Variants in ITGA4 observed in about 807,000 individuals in gnomAD.
The protein encoded by ITGA4 is integrin alpha-4.
ITGA4 carries 63 observed loss-of-function variants against 133.6 expected under a neutral mutation model. The ratio of observed to expected loss-of-function variants is 0.47; its 90% confidence interval spans 0.38 to 0.58. ITGA4 has a LOEUF of 0.58. Among genes scored for constraint, ITGA4 ranks in the 20% least tolerant of loss-of-function variants. ITGA4 has a pLI of 0.00. For synonymous variants in ITGA4, 483 were observed against 438.0 expected (o/e 1.10, Z -1.28); for missense variants, 1,076 against 1,252.7 (o/e 0.86, Z 2.13).
intron 6 of ITGA4, 150 bp from the exon 7 acceptor site, chr2:181,481,448 C>A: frequency 2.9e-6 from 1 of 340,238 alleles, no homozygotes; most frequent in East Asian, 4.6e-5. Flanking sequence ...AATGAATGAC[C>A]AATTTTGAGT....
At chr2:181,531,809 G>A (rs750548250) in intron 25 of ITGA4, 33 bp downstream of exon 25, 4 of 1,521,088 alleles carry the variant, frequency 2.6e-6, no homozygotes, top group Non-Finnish European at 3.5e-6. Context: ...CAACTTGGTG[G>A]CTAAGTTTAC....
chr2:181,522,127 G>T, intron 17 of ITGA4, 64 bp from the exon 18 acceptor site: 1 of 904,082 alleles, frequency 1.1e-6, no homozygotes. Context: ...ATCCTTGTAT[G>T]CATATAAGAG....
intron 10 of ITGA4, among the ~76,000 whole-genome samples, chr2:181,490,964 G>C (rs563027231): frequency 7.2e-4 from 109 of 152,274 alleles, no homozygotes; most frequent in African/African-American, 2.6e-3. Context: ...CCCAAATTAA[G>C]TTGCATAGGC....
At position 181,516,930 on chromosome 2, in the gene ITGA4, G is replaced by C. The variant is rs142519678; in HGVS notation, c.1922+5155G>C. Reference sequence around the variant, plus strand: ...TCACTGACAGCATAAAGTTTTGGGAGAATGAATTATATGCTTTATAAACTA... The same window carrying C: ...TCACTGACAGCATAAAGTTTTGGGACAATGAATTATATGCTTTATAAACTA... On this transcript the variant is annotated intron_variant, in intron 17 of 27. Coordinates refer to ENST00000397033, the MANE Select transcript of ITGA4 (RefSeq NM_000885.6). This position sits in a 1 kb window ranked among gnomAD's most constrained non-coding sequence, Gnocchi z 4.0. Among the ~76,000 whole-genome samples the C allele has an allele frequency of 3.3e-4, 50 of 152,210 alleles. No homozygotes were observed. Among genetic ancestry groups the C allele is most frequent in the Admixed American group, 1.2e-3 (18 of 15,270 alleles).
At chr2:181,481,176 C>A (rs1364592522) in intron 6 of ITGA4, among the ~76,000 whole-genome samples, 1 of 152,054 alleles carries the variant, frequency 6.6e-6, no homozygotes, top group African/African-American at 2.4e-5. Context: ...AAAATACGAA[C>A]AATTTTTTGT....
intron 2 of ITGA4, 175 bp downstream of exon 2, chr2:181,458,492 TCTGTTAA>T: frequency 1.5e-6 from 1 of 673,888 alleles, no homozygotes; most frequent in Non-Finnish European, 2.5e-6. Flanking sequence ...GGATTCCCTT[TCTGTTAA>T]TATCGTTCTC....
chr2:181,515,440 C>T (rs1380159770), intron 17 of ITGA4, among the ~76,000 whole-genome samples: 2 of 151,900 alleles, frequency 1.3e-5, no homozygotes, highest in Non-Finnish European at 2.9e-5. Context: ...TATAGATAAG[C>T]TTTTTTAGTT....
At chr2:181,458,172 G>A (rs200524732) in intron 1 of ITGA4, 24 bp from the exon 2 acceptor site, 16 of 1,613,668 alleles carry the variant, frequency 9.9e-6, no homozygotes, top group African/African-American at 1.3e-5. Context: ...ACGTCTGAGC[G>A]CACGTGCACG....
At chr2:181,469,095 T>C (rs543056965) in intron 2 of ITGA4, among the ~76,000 whole-genome samples, 1 of 152,346 alleles carries the variant, frequency 6.6e-6, no homozygotes, top group Non-Finnish European at 1.5e-5. Context: ...AGGTTGTTTA[T>C]GGTGTTCTGT....
chr2:181,527,335 A>C lies in ITGA4; in HGVS notation c.2378A>C (p.Asp793Ala). The C allele has an allele frequency of 6.2e-7, 1 of 1,613,318 alleles. No homozygotes were observed. Among genetic ancestry groups the C allele is most frequent in the South Asian group, 1.1e-5 (1 of 91,064 alleles). Residue 793 changes from aspartate to alanine, a missense_variant, in exon 22 of 28, where the codon GAT becomes GCT. By Grantham distance (126) the Asp-to-Ala change is moderately radical (BLOSUM62 -2). This residue lies in a region of ITGA4 where 365 missense variants were observed against 421.4 expected (regional missense o/e 0.87). Transcript: ENST00000397033. ...NPTSFVYGSN[D>A]ENEPETCMVE... is the part of the protein sequence containing the mutation. Reference sequence around the variant, plus strand: ...ACTTCATTTGTGTATGGATCAAATGATGAAAATGAGCCTGAAACGTGCATG... The same window carrying C: ...ACTTCATTTGTGTATGGATCAAATGCTGAAAATGAGCCTGAAACGTGCATG...
chr2:181,459,256 G>A (rs191804748), intron 2 of ITGA4: 9 of 152,280 alleles, frequency 5.9e-5, no homozygotes, highest in East Asian at 1.9e-4. Flanking sequence ...GTCTGAATGC[G>A]TCCAAAGTCT....
At chr2:181,501,885 A>T (rs1205264199) in intron 15 of ITGA4, among the ~76,000 whole-genome samples, 1 of 152,158 alleles carries the variant, frequency 6.6e-6, no homozygotes, top group East Asian at 1.9e-4. Context: ...GAGGACAGGC[A>T]GAGAACAGGA....
intron 10 of ITGA4, chr2:181,493,092 G>T: frequency 2.5e-6 from 1 of 392,870 alleles, no homozygotes; most frequent in Non-Finnish European, 4.5e-6. Context: ...TAATCATTTT[G>T]TTACACTGCC....
At chr2:181,488,377 G>A (rs1356372242) in intron 10 of ITGA4, among the ~76,000 whole-genome samples, 1 of 152,128 alleles carries the variant, frequency 6.6e-6, no homozygotes, top group Non-Finnish European at 1.5e-5. Context: ...ACTCCTAAAG[G>A]TAATACCTTT....
intron 2 of ITGA4, among the ~76,000 whole-genome samples, chr2:181,466,470 TTGA>T (rs1437189179): frequency 6.6e-6 from 1 of 152,092 alleles, no homozygotes; most frequent in Non-Finnish European, 1.5e-5. Context: ...GTTTCCAACT[TTGA>T]TGTTTTGCTC....
At position 181,536,168 on chromosome 2, in the gene ITGA4, T is replaced by G. The variant is rs1687076859; in HGVS notation, c.*641T>G. The G allele has an allele frequency of 3.3e-5, 5 of 151,962 alleles. No individual in the cohort carries two copies. The allele number at this position is 151,962 out of a possible 1,614,324, so 9.4% of individuals were successfully genotyped here. On this transcript the variant is annotated 3_prime_UTR_variant, in exon 28 of 28. Coordinates refer to ENST00000397033, the MANE Select transcript of ITGA4 (RefSeq NM_000885.6). ...ACTGAACATGTACACTGGTTTGAGC[T>G]TAGTGAAATTACTTCTGGATAATTA...
Position 181,498,704 on chromosome 2 carries a change from C to T in ITGA4, c.1622C>T (p.Ser541Phe), listed in dbSNP as rs1227875513. The T allele has an allele frequency of 2.5e-6, 4 of 1,612,730 alleles. No homozygotes were observed. The highest frequency in any genetic ancestry group is 2.5e-6 in the Non-Finnish European group (3 of 1,178,996). ...PRFYFSSNGT[S>F]DVITGSIQVS... Reference sequence around the variant, plus strand: ...TTCTATTTCTCTTCTAATGGAACTTCTGACGTGATTACAGGAAGCATACAG... The same window carrying T: ...TTCTATTTCTCTTCTAATGGAACTTTTGACGTGATTACAGGAAGCATACAG... Residue 541 changes from serine to phenylalanine, a missense_variant, in exon 15 of 28, where the codon TCT (serine) becomes TTT (phenylalanine). Around this residue, in one of 4 missense-constraint regions of ITGA4, gnomAD observed 365 missense variants for 421.4 expected, o/e 0.87. Transcript: ENST00000397033.
At chr2:181,508,379 T>C (rs375596556) in intron 15 of ITGA4, among the ~76,000 whole-genome samples, 16 of 151,998 alleles carry the variant, frequency 1.1e-4, no homozygotes, top group African/African-American at 3.6e-4. Context: ...CTTTGTGAAG[T>C]ATAAAAGCAC....
At chr2:181,457,968 G>A in intron 1 of ITGA4, 117 bp downstream of exon 1, 2 of 1,161,538 alleles carry the variant, frequency 1.7e-6, no homozygotes, top group Non-Finnish European at 2.4e-6. Flanking sequence ...GGAGGGAAAC[G>A]CTGCGAGAGC....
Sources: allele counts gnomAD v4.1 joint callset (sites outside exome capture counted in the v4.1 genomes callset), GRCh38; gene constraint gnomAD v4.1.1; regional missense constraint gnomAD v4.1.1; non-coding constraint Gnocchi (gnomAD v3.1); transcripts MANE v1.5; gene names NCBI Gene and HGNC (gene_info 2026-07-23, HGNC 2026-07-21).